Variants in APBB2 observed in about 807,000 individuals in gnomAD.
APBB2 encodes amyloid beta precursor protein binding family B member 2, also known as Fe65-like 1.
A neutral mutation model predicts 82.5 loss-of-function variants in APBB2; 38 were observed. The ratio of observed to expected loss-of-function variants is 0.46; its 90% CI spans 0.36 to 0.60. APBB2 has a LOEUF of 0.60. Ranked by LOEUF, APBB2 falls within the 20% of genes least tolerant of loss-of-function variation. The pLI, the probability that APBB2 is intolerant of heterozygous loss-of-function variation, is 0.00. For missense variants in APBB2, 772 were observed against 972.3 expected (o/e 0.79, Z 2.74); for synonymous variants, 341 against 368.2 (o/e 0.93, Z 0.85).
At chr4:40,880,682 G>A (rs1449498892) in intron 12 of APBB2, 6 of 985,250 alleles carry the variant, frequency 6.1e-6, no homozygotes, top group Non-Finnish European at 7.2e-6. Context: ...GATCTCCCTC[G>A]CTCTGCATCC....
chr4:41,200,646 G>A (rs891114109), intron 1 of APBB2, among the ~76,000 whole-genome samples: 1 of 152,088 alleles, frequency 6.6e-6, no homozygotes, highest in Non-Finnish European at 1.5e-5. Context: ...AGAAAACATC[G>A]CAATACCAGT....
chr4:40,834,652 T>C (rs1753223544), intron 12 of APBB2, among the ~76,000 whole-genome samples: 1 of 152,070 alleles, frequency 6.6e-6, no homozygotes, highest in African/African-American at 2.4e-5. Flanking sequence ...TACTCTGGAC[T>C]ATCTAGGTGG....
chr4:40,930,484 CGT>C (rs572786728), intron 10 of APBB2, among the ~76,000 whole-genome samples: 6 of 146,546 alleles, frequency 4.1e-5, no homozygotes, highest in Admixed American at 4.0e-4. Context: ...TGCGCGTATG[CGT>C]GTGTATGTGT....
intron 1 of APBB2, among the ~76,000 whole-genome samples, chr4:41,170,187 G>T (rs1402315413): frequency 6.6e-6 from 1 of 152,122 alleles, no homozygotes; most frequent in Admixed American, 6.5e-5. Context: ...TTCCCCAGTG[G>T]TCTGTCTGAG....
chr4:40,898,036 G>C (rs553092395), intron 10 of APBB2, among the ~76,000 whole-genome samples: 1 of 152,180 alleles, frequency 6.6e-6, no homozygotes, highest in South Asian at 2.1e-4. Flanking sequence ...GGGTAGAACC[G>C]TGTCATCAGA....
intron 12 of APBB2, among the ~76,000 whole-genome samples, chr4:40,867,496 G>A (rs1409585215): frequency 6.6e-6 from 1 of 152,112 alleles, no homozygotes; most frequent in Non-Finnish European, 1.5e-5. Flanking sequence ...AAGAGGTGAA[G>A]CCAAAATTTG....
chr4:40,910,287 G>C (rs1560872978), intron 10 of APBB2, among the ~76,000 whole-genome samples: 1 of 152,154 alleles, frequency 6.6e-6, no homozygotes, highest in South Asian at 2.1e-4. Context: ...GCCCAGGTTG[G>C]AGTGCAGTGG....
Position 40,930,446 on chromosome 4 carries a change from T to TGC in APBB2, c.1254+4009_1254+4010insGC, listed in dbSNP as rs1366786393. Among the ~76,000 whole-genome samples, 161 of 81,364 alleles carry TGC rather than the reference T, an allele frequency of 2.0e-3. 1 individual carries two copies. Among genetic ancestry groups the TGC allele is most frequent in the African/African-American group, 8.7e-3 (143 of 16,484 alleles). The allele number at this position is 81,364 out of a possible 152,430, so 53.4% of individuals were successfully genotyped here. On this transcript the variant is annotated intron_variant, in intron 10 of 17. Transcript: ENST00000508593. ...GTGTGTGTGTGTGTGTGTGTGTGTG[T>TGC]GTGCGCGCGCGCGCGCGCGCGTGCG...
At chr4:40,930,767 A>T (rs1452574873) in intron 10 of APBB2, among the ~76,000 whole-genome samples, 2 of 152,092 alleles carry the variant, frequency 1.3e-5, no homozygotes. Flanking sequence ...TTATTTTTTG[A>T]GACGGAGTCT....
rs147226963 is a variant in APBB2, at chr4:40,838,861, T to A, written c.1530-8284A>T. On this transcript the variant is annotated intron_variant, in intron 12 of 17. Coordinates refer to ENST00000508593, the MANE Select transcript of APBB2 (RefSeq NM_004307.2). ...TCTCGTAGTGTAAGTGGAATTTGCTTATGTGTTTACCTCTCTTCCAAAAGG... is the reference window on the plus strand; with the variant it reads ...TCTCGTAGTGTAAGTGGAATTTGCTAATGTGTTTACCTCTCTTCCAAAAGG... Among the ~76,000 whole-genome samples, 751 of 152,322 alleles carry A rather than the reference T, an allele frequency of 4.9e-3. 2 individuals are homozygous for A. The highest frequency in any genetic ancestry group is 0.014 in the Middle Eastern group (4 of 294).
intron 6 of APBB2, among the ~76,000 whole-genome samples, chr4:40,979,799 A>G (rs1369434898): frequency 6.6e-6 from 1 of 152,214 alleles, no homozygotes; most frequent in Non-Finnish European, 1.5e-5. Flanking sequence ...CATGTCTCAG[A>G]AGAGATCACA....
intron 6 of APBB2, among the ~76,000 whole-genome samples, chr4:41,000,497 C>G (rs7653985): frequency 0.85 from 128,623 of 152,112 alleles, 54,421 homozygotes; most frequent in East Asian, 0.89. Context: ...CTGGAGCTCA[C>G]AGGTTAAGCA....
At chr4:40,983,218 G>A (rs1799578244) in intron 6 of APBB2, among the ~76,000 whole-genome samples, 2 of 152,198 alleles carry the variant, frequency 1.3e-5, no homozygotes, top group Admixed American at 1.3e-4. Flanking sequence ...AAATGGTGGT[G>A]CTGGGATTCA....
At chr4:41,166,863 C>T (rs1766798817) in intron 1 of APBB2, among the ~76,000 whole-genome samples, 1 of 152,154 alleles carries the variant, frequency 6.6e-6, no homozygotes, top group South Asian at 2.1e-4. Context: ...CACCACTGCA[C>T]TCCAGCCTGA....
chr4:41,089,381 T>C (rs1406307254), intron 3 of APBB2, among the ~76,000 whole-genome samples: 1 of 152,218 alleles, frequency 6.6e-6, no homozygotes, highest in Non-Finnish European at 1.5e-5. Flanking sequence ...AGCATCATGT[T>C]AGCACTCAAA....
At position 40,938,171 on chromosome 4, in the gene APBB2, CA is replaced by C. The variant is rs544393910; in HGVS notation, c.1045-3033del. On this transcript the variant is annotated intron_variant, in intron 7 of 17. Transcript: ENST00000508593. ...TCCAGGCAATGCAGCTAAAGCCTTG[CA>C]CAGCTGAGTGACATTCTGGTACCAC... 1.5e-3 allele frequency among the ~76,000 whole-genome samples: 236 copies of C among 152,352 alleles called. 3 individuals are homozygous for C. Among genetic ancestry groups the C allele is most frequent in the African/African-American group, 5.4e-3 (226 of 41,588 alleles).
At chr4:40,870,037 G>A (rs553619327) in intron 12 of APBB2, among the ~76,000 whole-genome samples, 1 of 152,018 alleles carries the variant, frequency 6.6e-6, no homozygotes, top group Non-Finnish European at 1.5e-5. Context: ...TAAAAACTTA[G>A]GTACCAAATC....
chr4:40,978,337 A>G (rs1388010457), intron 6 of APBB2, among the ~76,000 whole-genome samples: 1 of 152,232 alleles, frequency 6.6e-6, no homozygotes, highest in Non-Finnish European at 1.5e-5. Flanking sequence ...ACTTTTCAAG[A>G]TAAATGTGCA....
chr4:41,039,568 C>T (rs1041143068), intron 4 of APBB2, among the ~76,000 whole-genome samples: 5 of 152,156 alleles, frequency 3.3e-5, no homozygotes, highest in Non-Finnish European at 2.9e-5. Flanking sequence ...TCAATAAGTG[C>T]TAATTAAGGC....
Sources: gnomAD v4.1 joint callset for allele counts (sites outside exome capture counted in the v4.1 genomes callset) on GRCh38, gnomAD v4.1.1 for gene constraint, MANE v1.5 for transcripts, NCBI Gene and HGNC (gene_info 2026-07-23, HGNC 2026-07-21) for gene names.